Variants in AMER1 observed in about 807,000 individuals in gnomAD.
AMER1 encodes the protein RP11-403E24.2.
In AMER1, 16 loss-of-function variants were observed where a neutral mutation model predicts 53.0. The observed-to-expected ratio is 0.30, with a 90% CI of 0.20 to 0.46. AMER1 has a LOEUF of 0.46. Ranked by LOEUF, AMER1 falls within the 20% of genes least tolerant of loss-of-function variation. The pLI, the probability that AMER1 is intolerant of heterozygous loss-of-function variation, is 1.00. For synonymous variants in AMER1, 354 were observed against 331.9 expected, an observed-to-expected ratio of 1.07 and a Z score of -0.73; for missense variants, 947 against 884.9, an observed-to-expected ratio of 1.07 and a Z score of -0.89.
chrX:64,185,865 T>A lies in AMER1; in HGVS notation c.*4014A>T. 3.1e-6 allele frequency: 1 copy of A among 323,230 alleles called. No individual in the cohort carries two copies. The highest frequency in any genetic ancestry group is 5.5e-6 in the Non-Finnish European group (1 of 182,019). 26.6% of individuals were successfully genotyped at this position (323,230 alleles called of 1,213,427 possible). ...TCATTGTCATCTGTCTCCCACAGCT[T>A]CTTGGGGAAAGGGGACATGGTTGAA... On this transcript the variant is annotated 3_prime_UTR_variant, in exon 2 of 2. Coordinates refer to ENST00000374869, the MANE Select transcript of AMER1 (RefSeq NM_152424.4).
chrX:64,191,253 G>A lies in AMER1; in HGVS notation c.2034C>T (p.His678=), dbSNP rs770715107. The change falls in exon 2 of 2, where the codon CAC becomes CAT. Residue 678 remains histidine (H), a synonymous_variant. Coordinates refer to ENST00000374869, the MANE Select transcript of AMER1 (RefSeq NM_152424.4). ...AGVSGTSQIS[H]RGITSAFPTT... Reference sequence around the variant, plus strand: ...TGGGGAAAGCTGAGGTAATTCCCCGGTGGGAAATCTGAGAGGTCCCTGATA... The same window carrying A: ...TGGGGAAAGCTGAGGTAATTCCCCGATGGGAAATCTGAGAGGTCCCTGATA... 12 of 1,211,746 alleles carry A rather than the reference G, an allele frequency of 9.9e-6. No individual in the cohort carries two copies. In the South Asian group the frequency reaches 1.6e-4, roughly 16 times the overall value.
Position 64,191,630 on chromosome X carries a change from C to T in AMER1, c.1657G>A (p.Ala553Thr), listed in dbSNP as rs2147087734. 8.2e-7 allele frequency: 1 copy of T among 1,212,255 alleles called. No homozygotes were observed. Among genetic ancestry groups the T allele is most frequent in the African/African-American group, 1.7e-5 (1 of 57,947 alleles). Reference protein sequence around the residue: ...EPFLSSRPPGAMETEEERLVT... With the variant: ...EPFLSSRPPGTMETEEERLVT... The stretch of plus-strand genomic sequence containing the variant: ...AGCCGTTCTTCCTCTGTCTCCATTG[C>T]CCCAGGTGGCCGGGAGGACAAAAAG... The change falls in exon 2 of 2, where the codon GCA becomes ACA. Residue 553 changes from alanine to threonine, a missense_variant. Ala to Thr is a moderately conservative substitution (Grantham distance 58, BLOSUM62 0). Coordinates refer to ENST00000374869, the MANE Select transcript of AMER1 (RefSeq NM_152424.4).
At chrX:64,200,253 C>T (rs1344281159) in intron 1 of AMER1, among the ~76,000 whole-genome samples, 1 of 112,434 alleles carries the variant, frequency 8.9e-6, no homozygotes, top group Non-Finnish European at 1.9e-5. Context: ...ACCCCCCGTT[C>T]AAATGAAGAA....
At position 64,190,214 on chromosome X, in the gene AMER1, G is replaced by C. The variant is rs763827864; in HGVS notation, c.3073C>G (p.His1025Asp). 262 of 1,210,220 alleles carry C rather than the reference G, an allele frequency of 2.2e-4. No homozygotes were observed. Among genetic ancestry groups the C allele is most frequent in the Non-Finnish European group, 2.8e-4 (253 of 895,025 alleles). The stretch of plus-strand genomic sequence containing the variant: ...CAAGGGCCCATGGGCAGGTGTAGGT[G>C]TGAGGGACGAGCTAGTTGAGGCCCA... ...ESGPQLARPSHLHLPMGPCYN... is the reference protein window; with the variant it reads ...ESGPQLARPSDLHLPMGPCYN... Residue 1025 changes from histidine to aspartate, a missense_variant, in exon 2 of 2, where the codon CAC (histidine) becomes GAC (aspartate). His to Asp is a moderately conservative substitution (Grantham distance 81). Transcript: ENST00000374869.
At chrX:64,205,384 G>C (rs768138981) in intron 1 of AMER1, among the ~76,000 whole-genome samples, 186 bp downstream of exon 1, 150 of 105,767 alleles carry the variant, frequency 1.4e-3, no homozygotes, top group Middle Eastern at 5.0e-3. Flanking sequence ...TGTGCCCAGG[G>C]GACTCAAGGC....
chrX:64,190,790 C>T lies in AMER1; in HGVS notation c.2497G>A (p.Asp833Asn), dbSNP rs1424612359. 12 of 1,209,777 alleles carry T rather than the reference C, an allele frequency of 9.9e-6. No homozygotes were observed. The highest frequency in any genetic ancestry group is 1.3e-5 in the Non-Finnish European group (12 of 894,507). The stretch of plus-strand genomic sequence containing the variant: ...AAGGCTTCCAAGGAGGCTGCAAGAT[C>T]TTCATCATTGTGGAACTCAGGATTC... ...EENPEFHNDEDLAASLEAFEL... is the reference protein window; with the variant it reads ...EENPEFHNDENLAASLEAFEL... Residue 833 changes from aspartate (D) to asparagine (N), a missense_variant, in exon 2 of 2, where the codon GAT (aspartate) becomes AAT (asparagine). Physicochemically the swap from Asp to Asn is conservative, Grantham distance 23. Coordinates refer to ENST00000374869, the MANE Select transcript of AMER1 (RefSeq NM_152424.4).
Position 64,189,725 on chromosome X carries a change from G to A in AMER1, c.*154C>T. The A allele has an allele frequency of 9.0e-7, 1 of 1,113,262 alleles. No homozygotes were observed. Among genetic ancestry groups the A allele is most frequent in the South Asian group, 2.2e-5 (1 of 44,982 alleles). 91.7% of individuals were successfully genotyped at this position (1,113,262 alleles called of 1,213,427 possible). On this transcript the variant is annotated 3_prime_UTR_variant, in exon 2 of 2. Transcript: ENST00000374869. ...TGGCCATAGATGGCAGAAGAGGCAA[G>A]TGGGAAAACCAAGGTGAAAACTCAC...
At chrX:64,201,286 G>T (rs1271494539) in intron 1 of AMER1, among the ~76,000 whole-genome samples, 1 of 111,191 alleles carries the variant, frequency 9.0e-6, no homozygotes, top group African/African-American at 3.3e-5. Flanking sequence ...ACACGCACAG[G>T]TTTGAAAAAT....
intron 1 of AMER1, among the ~76,000 whole-genome samples, chrX:64,205,291 C>T (rs373881047): frequency 9.0e-6 from 1 of 111,007 alleles, no homozygotes; most frequent in African/African-American, 3.3e-5. Flanking sequence ...TCCCCGCCCC[C>T]CCGAAAGCCG....
rs1930161830 is a variant in AMER1 at position 64,188,875 on chromosome X, T to A, written c.*1004A>T. The A allele has an allele frequency of 1.2e-6, 1 of 807,184 alleles. No homozygotes were observed. The highest frequency in any genetic ancestry group is 1.5e-6 in the Non-Finnish European group (1 of 671,942). The allele number at this position is 807,184 out of a possible 1,213,427, so 66.5% of individuals were successfully genotyped here. A position where few individuals can be genotyped will look rare whatever the true frequency, so the allele number is the denominator to read the frequency against. ...CCCTTATCTCAATTAAAAGACCGTG[T>A]TCCTTGTGATGAGATTATGAAAATT... On this transcript the variant is annotated 3_prime_UTR_variant, in exon 2 of 2. Transcript: ENST00000374869.
In AMER1 at chrX:64,189,716, A is replaced by G. The variant is rs890921342; in HGVS notation, c.*163T>C. Reference sequence around the variant, plus strand: ...AGTTGAACGTGGCCATAGATGGCAGAAGAGGCAAGTGGGAAAACCAAGGTG... The same window carrying G: ...AGTTGAACGTGGCCATAGATGGCAGGAGAGGCAAGTGGGAAAACCAAGGTG... On this transcript the variant is annotated 3_prime_UTR_variant, in exon 2 of 2. Coordinates refer to ENST00000374869, the MANE Select transcript of AMER1 (RefSeq NM_152424.4). 9.1e-7 allele frequency: 1 copy of G among 1,102,178 alleles called. No homozygotes were observed. The highest frequency in any genetic ancestry group is 1.9e-5 in the African/African-American group (1 of 52,095). The allele number at this position is 1,102,178 out of a possible 1,213,427, so 90.8% of individuals were successfully genotyped here.
At position 64,186,438 on chromosome X, in the gene AMER1, T is replaced by C; in HGVS notation, c.*3441A>G. On this transcript the variant is annotated 3_prime_UTR_variant, in exon 2 of 2. Transcript: ENST00000374869. Reference sequence around the variant, plus strand: ...AGATAATTGACTTTTGATATATATATATATATATATTAAAAACAACTTGAA... The same window carrying C: ...AGATAATTGACTTTTGATATATATACATATATATATTAAAAACAACTTGAA... 1.1e-5 allele frequency: 8 copies of C among 706,750 alleles called. No homozygotes were observed. The highest frequency in any genetic ancestry group is 1.4e-5 in the Non-Finnish European group (8 of 581,995). The allele number at this position is 706,750 out of a possible 1,213,427, so 58.2% of individuals were successfully genotyped here.
At position 64,189,514 on chromosome X, in the gene AMER1, G is replaced by GTGTGTGTGTGTATATATA; in HGVS notation, c.*364_*365insTATATATACACACACACA. 1 of 28,058 alleles carries GTGTGTGTGTGTATATATA rather than the reference G, an allele frequency of 3.6e-5. No homozygotes were observed. Among genetic ancestry groups the GTGTGTGTGTGTATATATA allele is most frequent in the African/African-American group, 1.7e-4 (1 of 5,947 alleles). 2.3% of individuals were successfully genotyped at this position (28,058 alleles called of 1,213,427 possible). On this transcript the variant is annotated 3_prime_UTR_variant, in exon 2 of 2. Transcript: ENST00000374869. ...TGTGTGTGTGTGTGTGTGTGTGTGT[G>GTGTGTGTGTGTATATATA]TATATATATATATATATATATATAT...
intron 1 of AMER1, among the ~76,000 whole-genome samples, chrX:64,193,811 C>T (rs182456830): frequency 1.8e-5 from 2 of 112,186 alleles, no homozygotes; most frequent in Admixed American, 1.9e-4. Context: ...TTTTTGAAAA[C>T]CATCTGGCAA....
At position 64,186,962 on chromosome X, in the gene AMER1, C is replaced by T. The variant is rs1477139434; in HGVS notation, c.*2917G>A. ...TGAAGGCAGCTACTTCCACTAAGTC[C>T]CATTTTCCCTTAAAATCACATCCAA... On this transcript the variant is annotated 3_prime_UTR_variant, in exon 2 of 2. Coordinates refer to ENST00000374869, the MANE Select transcript of AMER1 (RefSeq NM_152424.4). 1 of 774,106 alleles carries T rather than the reference C, an allele frequency of 1.3e-6. No individual in the cohort carries two copies. Among genetic ancestry groups the T allele is most frequent in the African/African-American group, 2.3e-5 (1 of 43,987 alleles). 63.8% of individuals were successfully genotyped at this position (774,106 alleles called of 1,213,427 possible).
At position 64,186,196 on chromosome X, in the gene AMER1, G is replaced by A. The variant is rs780747344; in HGVS notation, c.*3683C>T. 2.5e-6 allele frequency: 3 copies of A among 1,208,999 alleles called. No individual in the cohort carries two copies. Among genetic ancestry groups the A allele is most frequent in the Admixed American group, 4.4e-5 (2 of 45,913 alleles). On this transcript the variant is annotated 3_prime_UTR_variant, in exon 2 of 2. Transcript: ENST00000374869. ...TCTTCTGCTGTCCCTATCATGGGGG[G>A]AGGGAACGGACAGTGTGGTACAGCT... is the stretch of plus-strand genomic sequence containing the variant.
chrX:64,192,530 T>C lies in AMER1; in HGVS notation c.757A>G (p.Met253Val), dbSNP rs2147089838. 8.3e-7 allele frequency: 1 copy of C among 1,206,663 alleles called. No homozygotes were observed. The highest frequency in any genetic ancestry group is 1.1e-6 in the Non-Finnish European group (1 of 893,814). ...GGTTTTTCTGGATCTTTACAGGCCA[T>C]TTTCTCAGTAGCTGGTGGAGAAGGT... is the stretch of plus-strand genomic sequence containing the variant. Reference protein sequence around the residue: ...PEPSPPATEKMACKDPEKPME... With the variant: ...PEPSPPATEKVACKDPEKPME... Residue 253 changes from methionine to valine, a missense_variant, in exon 2 of 2, where the codon ATG becomes GTG. Physicochemically the swap from Met to Val is conservative, Grantham distance 21. Coordinates refer to ENST00000374869, the MANE Select transcript of AMER1 (RefSeq NM_152424.4).
In AMER1 at chrX:64,189,514, G is replaced by GTGTGTGTATATA. The variant is rs1205241247; in HGVS notation, c.*364_*365insTATATACACACA. The GTGTGTGTATATA allele has an allele frequency of 3.6e-5, 1 of 28,060 alleles. No individual in the cohort carries two copies. Among genetic ancestry groups the GTGTGTGTATATA allele is most frequent in the African/African-American group, 1.7e-4 (1 of 5,949 alleles). The allele number at this position is 28,060 out of a possible 1,213,427, so 2.3% of individuals were successfully genotyped here. A position where few individuals can be genotyped will look rare whatever the true frequency, so the allele number is the denominator to read the frequency against. ...TGTGTGTGTGTGTGTGTGTGTGTGT[G>GTGTGTGTATATA]TATATATATATATATATATATATAT... On this transcript the variant is annotated 3_prime_UTR_variant, in exon 2 of 2. Coordinates refer to ENST00000374869, the MANE Select transcript of AMER1 (RefSeq NM_152424.4).
chrX:64,205,456 G>C (rs996971263), intron 1 of AMER1, 114 bp downstream of exon 1: 1 of 111,728 alleles, frequency 9.0e-6, no homozygotes, highest in Non-Finnish European at 1.9e-5. Flanking sequence ...GCGAGCGACC[G>C]GGACTCCGAC....
Sources: gnomAD v4.1 joint callset for allele counts (sites outside exome capture counted in the v4.1 genomes callset) on GRCh38, gnomAD v4.1.1 for gene constraint, MANE v1.5 for transcripts, NCBI Gene and HGNC (gene_info 2026-07-23, HGNC 2026-07-21) for gene names.